TFB1M: variants seen among roughly 807,000 people sequenced by gnomAD.
TFB1M encodes the protein dimethyladenosine transferase 1, mitochondrial.
TFB1M carries 27 observed loss-of-function variants against 31.1 expected under a neutral mutation model. The ratio of observed to expected loss-of-function variants is 0.87; its 90% CI spans 0.64 to 1.20. TFB1M has a LOEUF of 1.20. Ranked by LOEUF, TFB1M falls within the 50% of genes most tolerant of loss-of-function variation. The pLI is 0.00. For synonymous variants in TFB1M, 166 were observed against 151.8 expected (o/e 1.09, Z -0.69); for missense variants, 394 against 418.7 (o/e 0.94, Z 0.51).
chr6:155,249,908 A>G, the TFB1M span: 42 of 1,614,080 alleles, frequency 2.6e-5, no homozygotes, highest in South Asian at 4.3e-4. Context: ...CAGAAGATCT[A>G]TGAGGATTAT....
the TFB1M span, chr6:155,250,463 A>C: frequency 4.8e-6 from 6 of 1,262,686 alleles, no homozygotes; most frequent in Non-Finnish European, 6.5e-6. Flanking sequence ...TTAGGGAGAA[A>C]ATGGCAGGAA....
intron 1 of TFB1M, among the ~76,000 whole-genome samples, chr6:155,313,803 C>T (rs1023008959): frequency 8.5e-5 from 13 of 152,084 alleles, no homozygotes; most frequent in African/African-American, 2.9e-4. Flanking sequence ...AATATTAGCG[C>T]CCCCGAGGCT....
intron 4 of TFB1M, among the ~76,000 whole-genome samples, chr6:155,289,366 T>C (rs1002800497): frequency 6.6e-6 from 1 of 152,188 alleles, no homozygotes; most frequent in African/African-American, 2.4e-5. Flanking sequence ...AGTTCAGCCT[T>C]CCCTGTAACT....
chr6:155,246,246 T>C, the TFB1M span, among the ~76,000 whole-genome samples: 449 of 152,220 alleles, frequency 2.9e-3, 3 homozygotes, highest in African/African-American at 1.0e-2. Context: ...GGAGGGCATC[T>C]GGAGGTTTAT....
downstream of TFB1M, chr6:155,254,260 C>T: frequency 2.9e-6 from 3 of 1,040,710 alleles, no homozygotes; most frequent in East Asian, 7.7e-5. Context: ...GATCAATTCT[C>T]ACCTCCTTCT....
At chr6:155,284,158 A>G (rs1776517675) in intron 5 of TFB1M, among the ~76,000 whole-genome samples, 1 of 152,254 alleles carries the variant, frequency 6.6e-6, no homozygotes, top group Admixed American at 6.5e-5. Flanking sequence ...ATGGCAAAGA[A>G]GTATGAAGGT....
intron 5 of TFB1M, among the ~76,000 whole-genome samples, chr6:155,280,259 T>A (rs758524347): frequency 6.6e-6 from 1 of 152,110 alleles, no homozygotes; most frequent in Non-Finnish European, 1.5e-5. Flanking sequence ...CTCCTTCCAC[T>A]GGGCCAGGGC....
At chr6:155,245,754 A>AATTTT in the TFB1M span, 8 of 562,950 alleles carry the variant, frequency 1.4e-5, no homozygotes, top group Middle Eastern at 8.5e-4. Context: ...TGCCTTTTAT[A>AATTTT]GTTTTTTTTT....
chr6:155,252,426 G>A (rs1409022099), downstream of TFB1M, among the ~76,000 whole-genome samples: 1 of 152,176 alleles, frequency 6.6e-6, no homozygotes, highest in Non-Finnish European at 1.5e-5. Flanking sequence ...CCTTGATCAT[G>A]CCACTGCATT....
the TFB1M span, chr6:155,243,980 G>A: frequency 2.4e-5 from 38 of 1,601,850 alleles, no homozygotes; most frequent in African/African-American, 3.2e-4. Context: ...AGACTAAAGC[G>A]TTGAAGACAC....
the TFB1M span, among the ~76,000 whole-genome samples, chr6:155,237,737 C>T: frequency 1.3e-5 from 2 of 152,226 alleles, no homozygotes; most frequent in Admixed American, 6.5e-5. Context: ...TGTGTTGGCT[C>T]CTTTCAGCCA....
chr6:155,311,665 T>A (rs1280225418), intron 1 of TFB1M, among the ~76,000 whole-genome samples: 1 of 152,198 alleles, frequency 6.6e-6, no homozygotes, highest in Non-Finnish European at 1.5e-5. Context: ...ACCAACCGAC[T>A]CCTAAGAACA....
chr6:155,232,115 T>C, the TFB1M span, among the ~76,000 whole-genome samples: 12 of 151,982 alleles, frequency 7.9e-5, no homozygotes, highest in Non-Finnish European at 1.5e-4. Context: ...AAACAAAAAC[T>C]GGGGAAGTAG....
intron 6 of TFB1M, among the ~76,000 whole-genome samples, chr6:155,260,008 C>T (rs554671468): frequency 1.3e-5 from 2 of 152,184 alleles, no homozygotes; most frequent in Non-Finnish European, 2.9e-5. Context: ...TGGGGAACCA[C>T]GAGCTCCCTG....
chr6:155,311,173 C>T lies in TFB1M; in HGVS notation c.285+15G>A. ...CAGCTTTTGCCTCCTAAAGCAGACACTTTAAGCATCTCACCTGTAATCCAG... is the reference window on the plus strand; with the variant it reads ...CAGCTTTTGCCTCCTAAAGCAGACATTTTAAGCATCTCACCTGTAATCCAG... On this transcript the variant is annotated intron_variant, in intron 2 of 6. Transcript: ENST00000367166. The T allele has an allele frequency of 6.2e-7, 1 of 1,613,940 alleles. No individual in the cohort carries two copies.
the TFB1M span, among the ~76,000 whole-genome samples, chr6:155,234,368 A>G: frequency 6.6e-6 from 1 of 152,206 alleles, no homozygotes; most frequent in Admixed American, 6.5e-5. Context: ...ACTCACTGTA[A>G]CCTTGAACTC....
In TFB1M at chr6:155,285,279, T is replaced by C. The variant is rs1432991074; in HGVS notation, c.547-2A>G. 2 of 1,613,626 alleles carry C rather than the reference T, an allele frequency of 1.2e-6. No homozygotes were observed. Among genetic ancestry groups the C allele is most frequent in the African/African-American group, 1.3e-5 (1 of 74,918 alleles). On this transcript the variant is annotated splice_acceptor_variant, in intron 4 of 6. Transcript: ENST00000367166. LOFTEE classifies it high-confidence loss of function. ...GCTTCCTGTATTGGCTGCAAGTCTC[T>C]AGAGAGAGACAAAAATGAATTTTAG... is the stretch of plus-strand genomic sequence containing the variant.
downstream of TFB1M, chr6:155,254,416 C>T (rs1450505298): frequency 6.2e-7 from 1 of 1,611,056 alleles, no homozygotes; most frequent in Admixed American, 1.7e-5. Context: ...CCCCCCCACC[C>T]AGTGACAGTG....
At chr6:155,243,910 G>A in the TFB1M span, 1 of 703,566 alleles carries the variant, frequency 1.4e-6, no homozygotes, top group Non-Finnish European at 2.5e-6. Flanking sequence ...TCATTATCCT[G>A]ATGGGAGCCT....
Sources: allele counts gnomAD v4.1 joint callset (sites outside exome capture counted in the v4.1 genomes callset), GRCh38; gene constraint gnomAD v4.1.1; transcripts MANE v1.5; gene names NCBI Gene and HGNC (gene_info 2026-07-23, HGNC 2026-07-21).